The following GTF2E1 variants were observed in gnomAD, a reference collection of about 807,000 sequenced individuals.
GTF2E1 encodes the protein TFIIE alpha subunit.
Under a neutral mutation model 34.9 loss-of-function variants are expected in GTF2E1, and 14 were observed. The observed-to-expected ratio is 0.40, with a 90% CI of 0.27 to 0.63. The LOEUF (loss-of-function observed/expected upper bound fraction) is 0.63. Ranked by LOEUF, GTF2E1 falls within the 20% of genes least tolerant of loss-of-function variation. The probability of loss-of-function intolerance (pLI) is 0.39; values close to 1 mark genes in which losing one functional copy is unlikely to be tolerated. For synonymous variants in GTF2E1, 188 were observed against 192.9 expected (o/e 0.97, Z 0.21); for missense variants, 469 against 557.7 (o/e 0.84, Z 1.60).
At chr3:120,749,488 C>T (rs1327376325) in intron 1 of GTF2E1, among the ~76,000 whole-genome samples, 1 of 152,052 alleles carries the variant, frequency 6.6e-6, no homozygotes, top group Non-Finnish European at 1.5e-5. Context: ...TGTCAAAGGC[C>T]TTTTCTGCAT....
chr3:120,751,985 A>G (rs1261592079), intron 2 of GTF2E1, among the ~76,000 whole-genome samples: 1 of 152,104 alleles, frequency 6.6e-6, no homozygotes, highest in African/African-American at 2.4e-5. Flanking sequence ...TCTAATTTTT[A>G]TGTTATATAT....
chr3:120,763,318 A>G (rs192318945), intron 2 of GTF2E1, among the ~76,000 whole-genome samples: 9 of 152,248 alleles, frequency 5.9e-5, no homozygotes, highest in Admixed American at 5.2e-4. Flanking sequence ...AATGAGTTCC[A>G]GAATGGAGGA....
Position 120,782,308 on chromosome 3 carries a change from GGA to G in GTF2E1, c.*843_*844del, listed in dbSNP as rs2107615244. On this transcript the variant is annotated 3_prime_UTR_variant, in exon 5 of 5. Transcript: ENST00000283875. The stretch of plus-strand genomic sequence containing the variant: ...GGAGGTGGGAGCGTGTGTGGAAGGG[GGA>G]GAGATATACTTGAGTCTTATGATTA... The G allele has an allele frequency of 6.6e-6, 1 of 152,284 alleles. No individual in the cohort carries two copies. The highest frequency in any genetic ancestry group is 2.4e-5 in the African/African-American group (1 of 41,556). The allele number at this position is 152,284 out of a possible 1,614,324, so 9.4% of individuals were successfully genotyped here.
chr3:120,778,572 T>C (rs2107614040), intron 4 of GTF2E1, among the ~76,000 whole-genome samples: 1 of 152,344 alleles, frequency 6.6e-6, no homozygotes, highest in Non-Finnish European at 1.5e-5. Flanking sequence ...CCTACAGTTT[T>C]TGTTTATTTT....
intron 1 of GTF2E1, among the ~76,000 whole-genome samples, chr3:120,748,133 A>G (rs1366761964): frequency 6.6e-5 from 10 of 152,056 alleles, no homozygotes; most frequent in Non-Finnish European, 1.2e-4. Flanking sequence ...TGAGTTCGTT[A>G]TAGATTCTGG....
intron 2 of GTF2E1, among the ~76,000 whole-genome samples, chr3:120,758,158 AAAAAT>A (rs763151601): frequency 3.3e-4 from 50 of 152,228 alleles, no homozygotes; most frequent in Non-Finnish European, 6.0e-4. Context: ...TCTGTCTCAA[AAAAAT>A]AAAATAAGTA....
At chr3:120,745,120 T>C (rs530664690) in intron 1 of GTF2E1, among the ~76,000 whole-genome samples, 1 of 152,290 alleles carries the variant, frequency 6.6e-6, no homozygotes, top group South Asian at 2.1e-4. Context: ...TAGGCTTGTC[T>C]TCAACTTCTG....
At chr3:120,752,918 T>C (rs1174309310) in intron 2 of GTF2E1, among the ~76,000 whole-genome samples, 1 of 152,156 alleles carries the variant, frequency 6.6e-6, no homozygotes, top group Non-Finnish European at 1.5e-5. Flanking sequence ...CACTAATGCT[T>C]AATTGGCAGT....
intron 2 of GTF2E1, among the ~76,000 whole-genome samples, chr3:120,754,877 T>C (rs1709195359): frequency 6.6e-6 from 1 of 152,148 alleles, no homozygotes; most frequent in South Asian, 2.1e-4. Context: ...ACTCAACAAA[T>C]AATGTGTATG....
intron 1 of GTF2E1, among the ~76,000 whole-genome samples, chr3:120,750,274 ATAAAT>A (rs1362869783): frequency 6.6e-6 from 1 of 152,186 alleles, no homozygotes; most frequent in Non-Finnish European, 1.5e-5. Flanking sequence ...ATATTGTTTT[ATAAAT>A]AAAAAGTTAC....
At chr3:120,764,549 C>G (rs1387578226) in intron 2 of GTF2E1, among the ~76,000 whole-genome samples, 1 of 152,110 alleles carries the variant, frequency 6.6e-6, no homozygotes, top group African/African-American at 2.4e-5. Flanking sequence ...GCAACTGATA[C>G]CTTTGACAAA....
At chr3:120,761,948 G>A (rs1209113284) in intron 2 of GTF2E1, among the ~76,000 whole-genome samples, 2 of 151,850 alleles carry the variant, frequency 1.3e-5, no homozygotes, top group Admixed American at 6.6e-5. Context: ...CCACTACCAC[G>A]CCCGGCTAAT....
At chr3:120,761,785 C>CT (rs1709265611) in intron 2 of GTF2E1, among the ~76,000 whole-genome samples, 1 of 131,050 alleles carries the variant, frequency 7.6e-6, no homozygotes, top group Non-Finnish European at 1.6e-5. Context: ...GTCTGAGAGA[C>CT]ATTTTTTTTT....
At chr3:120,766,402 C>CA (rs2107610447) in intron 2 of GTF2E1, among the ~76,000 whole-genome samples, 1 of 152,274 alleles carries the variant, frequency 6.6e-6, no homozygotes, top group South Asian at 2.1e-4. Flanking sequence ...AGAATAAAGT[C>CA]AAAATGAAGC....
At chr3:120,750,020 A>G (rs1451244671) in intron 1 of GTF2E1, 1 of 152,494 alleles carries the variant, frequency 6.6e-6, no homozygotes, top group Non-Finnish European at 1.5e-5. Context: ...ATTTTGTCAA[A>G]CACCCCAGGT....
chr3:120,755,191 G>A (rs954431842), intron 2 of GTF2E1, among the ~76,000 whole-genome samples: 1 of 152,170 alleles, frequency 6.6e-6, no homozygotes, highest in African/African-American at 2.4e-5. Flanking sequence ...GTTTGGAATA[G>A]TCAAGTAAAC....
intron 4 of GTF2E1, among the ~76,000 whole-genome samples, chr3:120,778,276 G>A (rs903861280): frequency 6.6e-6 from 1 of 152,152 alleles, no homozygotes; most frequent in Non-Finnish European, 1.5e-5. Flanking sequence ...CCTTAAATAA[G>A]TTATCTGGTC....
rs561892656 is a variant in GTF2E1 at position 120,755,575 on chromosome 3, G to A, written c.448+4575G>A. ...CAGGCATGCAATGTGTAATAATCAC[G>A]TCATGGAGAATGGGGTATCCATCCC... On this transcript the variant is annotated intron_variant, in intron 2 of 4. Transcript: ENST00000283875. Among the ~76,000 whole-genome samples the A allele has an allele frequency of 3.7e-4, 57 of 152,166 alleles. No individual in the cohort carries two copies. In the South Asian group the frequency reaches 0.011, roughly 30 times the overall value.
chr3:120,779,770 A>G (rs953874365), intron 4 of GTF2E1, among the ~76,000 whole-genome samples: 1 of 152,218 alleles, frequency 6.6e-6, no homozygotes, highest in Admixed American at 6.5e-5. Context: ...AGTGAAGTAA[A>G]TACTATTTTC....
Sources: gnomAD v4.1 joint callset for allele counts (sites outside exome capture counted in the v4.1 genomes callset) on GRCh38, gnomAD v4.1.1 for gene constraint, MANE v1.5 for transcripts, NCBI Gene and HGNC (gene_info 2026-07-23, HGNC 2026-07-21) for gene names.